The following CAST variants were observed in gnomAD, a reference collection of about 807,000 sequenced individuals.
The protein encoded by CAST is calpastatin.
A neutral mutation model predicts 119.6 loss-of-function variants in CAST; 76 were observed. The ratio of observed to expected loss-of-function variants is 0.64; its 90% CI spans 0.53 to 0.77. The LOEUF is 0.77. Ranked by LOEUF, CAST falls within the 30% of genes least tolerant of loss-of-function variation. The pLI is 0.00. For missense variants in CAST, 953 were observed against 946.5 expected (o/e 1.01, Z -0.09); for synonymous variants, 319 against 331.6 (o/e 0.96, Z 0.41).
chr5:95,971,571 ACTCC>A, the CAST span, among the ~76,000 whole-genome samples: 1 of 152,176 alleles, frequency 6.6e-6, no homozygotes, highest in Admixed American at 6.5e-5. Context: ...CCTCGAAGGA[ACTCC>A]TTGAAAATAC....
chr5:96,698,853 C>T (rs1414378788), intron 3 of CAST, among the ~76,000 whole-genome samples: 1 of 152,048 alleles, frequency 6.6e-6, no homozygotes, highest in Admixed American at 6.6e-5. Context: ...GATAATTTTA[C>T]AATTATTAAG....
chr5:96,548,362 C>T (rs1335334626), intron 1 of CAST, among the ~76,000 whole-genome samples: 2 of 152,146 alleles, frequency 1.3e-5, no homozygotes, highest in African/African-American at 2.4e-5. Context: ...AACATAGCTA[C>T]AGACTTTTTA....
chr5:96,174,240 C>G, the CAST span, among the ~76,000 whole-genome samples: 1 of 152,196 alleles, frequency 6.6e-6, no homozygotes, highest in Admixed American at 6.5e-5. Context: ...TTCCTTCTTT[C>G]TGGTTGTCTG....
At chr5:96,294,751 GGCTTT>G in the CAST span, among the ~76,000 whole-genome samples, 1 of 152,212 alleles carries the variant, frequency 6.6e-6, no homozygotes, top group Non-Finnish European at 1.5e-5. Context: ...CTAGCCGCCA[GGCTTT>G]GGAAAGGTCA....
chr5:96,562,242 G>GA (rs1561417401), intron 1 of CAST, among the ~76,000 whole-genome samples: 1 of 151,790 alleles, frequency 6.6e-6, no homozygotes, highest in East Asian at 1.9e-4. Context: ...AAACTCAAGA[G>GA]AAATGACAAC....
chr5:95,973,613 A>G, the CAST span, among the ~76,000 whole-genome samples: 1 of 152,126 alleles, frequency 6.6e-6, no homozygotes, highest in South Asian at 2.1e-4. Context: ...CTGTATTTGC[A>G]CCTAAGTAAA....
intron 15 of CAST, chr5:96,742,403 C>T: frequency 2.4e-6 from 1 of 418,202 alleles, no homozygotes; most frequent in Non-Finnish European, 4.3e-6. Context: ...TCTAGCTTAC[C>T]AAATAAGGGG....
the CAST span, among the ~76,000 whole-genome samples, chr5:96,079,619 TTC>T: frequency 2.7e-4 from 41 of 152,282 alleles, no homozygotes; most frequent in Non-Finnish European, 5.6e-4. Flanking sequence ...ACATCCCTAG[TTC>T]TCTCTGTCTC....
the CAST span, among the ~76,000 whole-genome samples, chr5:96,478,231 G>A: frequency 6.6e-6 from 1 of 152,086 alleles, no homozygotes; most frequent in African/African-American, 2.4e-5. Flanking sequence ...GTCCCAATAG[G>A]GAGTGATAGT....
At chr5:95,995,942 C>T in the CAST span, among the ~76,000 whole-genome samples, 22 of 152,216 alleles carry the variant, frequency 1.4e-4, no homozygotes, top group African/African-American at 4.6e-4. Flanking sequence ...CATATGACAT[C>T]GTAGTAACTC....
chr5:96,222,034 G>T, the CAST span, among the ~76,000 whole-genome samples: 3 of 152,122 alleles, frequency 2.0e-5, no homozygotes, highest in Non-Finnish European at 4.4e-5. Flanking sequence ...AATAAATAGT[G>T]TTGGGAAAAT....
At chr5:96,091,198 ATCTC>A in the CAST span, among the ~76,000 whole-genome samples, 3 of 149,430 alleles carry the variant, frequency 2.0e-5, no homozygotes, top group Non-Finnish European at 3.0e-5. Context: ...ATGTTACTGA[ATCTC>A]TCTCTTTTTT....
intron 1 of CAST, 141 bp downstream of exon 1, chr5:96,662,638 G>A: frequency 1.9e-6 from 2 of 1,072,990 alleles, no homozygotes; most frequent in Non-Finnish European, 2.4e-6. Flanking sequence ...AGGGCTAGGG[G>A]CTTGGCCGCT....
intron 1 of CAST, among the ~76,000 whole-genome samples, chr5:96,585,885 C>A (rs906702179): frequency 6.6e-6 from 1 of 152,322 alleles, no homozygotes; most frequent in Admixed American, 6.5e-5. Context: ...GTATTATTAA[C>A]AACTTTCTTA....
the CAST span, among the ~76,000 whole-genome samples, chr5:96,367,884 A>T: frequency 0.01 from 1,574 of 152,092 alleles, 31 homozygotes; most frequent in African/African-American, 0.036. Flanking sequence ...CCTCAGTTAG[A>T]AATGCAGAAA....
At chr5:96,512,639 A>G in the CAST span, among the ~76,000 whole-genome samples, 2 of 152,318 alleles carry the variant, frequency 1.3e-5, no homozygotes, top group Non-Finnish European at 2.9e-5. Flanking sequence ...TTATACTTCA[A>G]ATCTTGTGGG....
the CAST span, among the ~76,000 whole-genome samples, chr5:96,273,883 C>T: frequency 6.6e-6 from 1 of 152,154 alleles, no homozygotes; most frequent in Non-Finnish European, 1.5e-5. Context: ...GAGGCTTGAT[C>T]ATATACCAAC....
the CAST span, among the ~76,000 whole-genome samples, chr5:96,036,113 T>A: frequency 1.3e-5 from 2 of 150,974 alleles, no homozygotes; most frequent in Non-Finnish European, 2.9e-5. Context: ...GCAGGATGTA[T>A]AATATATTTT....
chr5:96,459,201 A>G, the CAST span, among the ~76,000 whole-genome samples: 1 of 152,294 alleles, frequency 6.6e-6, no homozygotes, highest in East Asian at 1.9e-4. Context: ...CTTTCTCCTT[A>G]ACAGAAATAA....
Sources: gnomAD v4.1 joint callset for allele counts (sites outside exome capture counted in the v4.1 genomes callset) on GRCh38, gnomAD v4.1.1 for gene constraint, MANE v1.5 for transcripts, NCBI Gene and HGNC (gene_info 2026-07-23, HGNC 2026-07-21) for gene names.